Variants in CACNA1C observed in about 807,000 individuals in gnomAD.
CACNA1C encodes the protein calcium voltage-gated channel subunit alpha1 C.
CACNA1C carries 30 observed loss-of-function variants against 229.0 expected under a neutral mutation model. The observed-to-expected ratio is 0.13, with a 90% CI of 0.10 to 0.18. The LOEUF is 0.18. Among genes scored for constraint, CACNA1C ranks in the 10% least tolerant of loss-of-function variants. CACNA1C has a pLI of 1.00. For missense variants in CACNA1C, 1,658 were observed against 2,845.0 expected (o/e 0.58, Z 9.49); for synonymous variants, 1,114 against 1,132.5 (o/e 0.98, Z 0.33).
At chr12:2,281,245 C>T (rs1591571778) in intron 3 of CACNA1C, among the ~76,000 whole-genome samples, 1 of 152,186 alleles carries the variant, frequency 6.6e-6, no homozygotes, top group East Asian at 1.9e-4. Flanking sequence ...GCCGTTGCTG[C>T]CATACATGCT....
chr12:2,275,977 C>A lies in CACNA1C; in HGVS notation c.477+155547C>A, dbSNP rs999863255. Among the ~76,000 whole-genome samples, 4 of 152,138 alleles carry A rather than the reference C, an allele frequency of 2.6e-5. No individual in the cohort carries two copies. The highest frequency in any genetic ancestry group is 1.3e-4 in the Admixed American group (2 of 15,276). The stretch of plus-strand genomic sequence containing the variant: ...CTCTCAGATACAAAACCCAAGGATG[C>A]CCATGTCCTTTTATGTATGTAGATT... On this transcript the variant is annotated intron_variant, in intron 3 of 46. Coordinates refer to ENST00000399655, the MANE Select transcript of CACNA1C (RefSeq NM_000719.7). The surrounding 1 kb of genome is among the most constrained non-coding windows in gnomAD (Gnocchi z 4.1).
intron 18 of CACNA1C, among the ~76,000 whole-genome samples, chr12:2,590,374 A>T (rs2064688068): frequency 6.6e-6 from 1 of 152,198 alleles, no homozygotes; most frequent in Non-Finnish European, 1.5e-5. Context: ...CTCCAAGAAC[A>T]AAAATTAGAA....
At chr12:2,433,365 A>G (rs1345806559) in intron 3 of CACNA1C, among the ~76,000 whole-genome samples, 1 of 152,190 alleles carries the variant, frequency 6.6e-6, no homozygotes, top group Non-Finnish European at 1.5e-5. Context: ...GCCCAGGTGC[A>G]GGAGAGAGGA....
At position 2,608,658 on chromosome 12, in the gene CACNA1C, C is replaced by A. The variant is rs1356372706; in HGVS notation, c.3504C>A (p.Thr1168=). Residue 1168 remains threonine, a synonymous_variant, in exon 27 of 47, where the codon ACC becomes ACA. Transcript: ENST00000399655. This position sits in a 1 kb window ranked among gnomAD's most constrained non-coding sequence, Gnocchi z 4.2. ...TCTTCGTGGGCTTCGTCATCGTCAC[C>A]TTTCAGGAGCAGGGGGAGCAGGAGT... The part of the protein sequence containing the change: ...MNIFVGFVIV[T]FQEQGEQEYK... 6.2e-7 allele frequency: 1 copy of A among 1,614,214 alleles called. No individual in the cohort carries two copies. The highest frequency in any genetic ancestry group is 1.1e-5 in the South Asian group (1 of 91,080).
chr12:2,227,975 G>C (rs961937112), intron 3 of CACNA1C, among the ~76,000 whole-genome samples: 1 of 152,188 alleles, frequency 6.6e-6, no homozygotes, highest in African/African-American at 2.4e-5. Flanking sequence ...TCTTGATGCA[G>C]TCTCTTCCCA....
At chr12:2,405,494 A>G (rs2098726953) in intron 3 of CACNA1C, among the ~76,000 whole-genome samples, 1 of 152,194 alleles carries the variant, frequency 6.6e-6, no homozygotes, top group Non-Finnish European at 1.5e-5. Flanking sequence ...CAAGAATGTT[A>G]TATAAATGGC....
intron 10 of CACNA1C, chr12:2,550,602 G>A (rs1250701354): frequency 1.5e-6 from 2 of 1,351,480 alleles, no homozygotes; most frequent in East Asian, 4.5e-5. Flanking sequence ...TGTCACGACT[G>A]TAAACTCACC....
At position 2,067,296 on chromosome 12, in the gene CACNA1C, A is replaced by G. The variant is rs1196216673; in HGVS notation, c.49+13685A>G. ...CATCCCAGGTGGATTAGTCATCAGA[A>G]TAGCCAATGGGCCCCTTGAGCTCTG... On this transcript the variant is annotated intron_variant, in intron 1 of 46. Coordinates refer to ENST00000399655, the MANE Select transcript of CACNA1C (RefSeq NM_000719.7). The surrounding 1 kb of genome is among the most constrained non-coding windows in gnomAD (Gnocchi z 5.3). Among the ~76,000 whole-genome samples the G allele has an allele frequency of 3.3e-5, 5 of 152,266 alleles. No homozygotes were observed. The South Asian group carries it at 6.2e-4, about 19-fold the overall frequency.
At chr12:2,625,717 G>A (rs946816216) in intron 29 of CACNA1C, among the ~76,000 whole-genome samples, 2 of 151,532 alleles carry the variant, frequency 1.3e-5, no homozygotes, top group Admixed American at 6.6e-5. Flanking sequence ...TTAGGAGGCC[G>A]AGGCCAAAGG....
intron 3 of CACNA1C, among the ~76,000 whole-genome samples, chr12:2,149,701 G>A (rs1017675628): frequency 6.6e-6 from 1 of 152,168 alleles, no homozygotes; most frequent in Non-Finnish European, 1.5e-5. Context: ...TTCAGTTTTA[G>A]GCGGAAGGTG....
chr12:2,513,818 T>C (rs1045358409), intron 9 of CACNA1C, among the ~76,000 whole-genome samples: 1 of 152,120 alleles, frequency 6.6e-6, no homozygotes, highest in Non-Finnish European at 1.5e-5. Flanking sequence ...CCAGAAACTG[T>C]GGGAATGGGG....
chr12:2,022,463 CTTTTT>C (rs71057815), intron 1 of CACNA1C, among the ~76,000 whole-genome samples: 1 of 133,612 alleles, frequency 7.5e-6, no homozygotes. Context: ...CCCTAAGGAA[CTTTTT>C]TTTTTTTTTT....
In CACNA1C at chr12:2,053,843, C is replaced by G. The variant is rs1594461822; in HGVS notation, c.49+232C>G. Reference sequence around the variant, plus strand: ...CCGCCCCTCCCCCTCCGGGCCCCAGCTTCTCCAGAGCATGTGTTTCCTGTG... The same window carrying G: ...CCGCCCCTCCCCCTCCGGGCCCCAGGTTCTCCAGAGCATGTGTTTCCTGTG... On this transcript the variant is annotated intron_variant, in intron 1 of 46. Transcript: ENST00000399655. This position sits in a 1 kb window ranked among gnomAD's most constrained non-coding sequence, Gnocchi z 5.8. Among the ~76,000 whole-genome samples the G allele has an allele frequency of 6.7e-6, 1 of 150,196 alleles. No individual in the cohort carries two copies. The highest frequency in any genetic ancestry group is 2.1e-4 in the South Asian group (1 of 4,810).
Position 2,645,753 on chromosome 12 carries a change from T to C in CACNA1C, c.3913-2722T>C, listed in dbSNP as rs560173887. ...ATTTCATCGCGAGTGGTTATTCATTTATGAGACCACGGACCTTGTAAACAG... is the reference window on the plus strand; with the variant it reads ...ATTTCATCGCGAGTGGTTATTCATTCATGAGACCACGGACCTTGTAAACAG... On this transcript the variant is annotated intron_variant, in intron 30 of 46. Transcript: ENST00000399655. 1.4e-4 allele frequency among the ~76,000 whole-genome samples: 22 copies of C among 152,328 alleles called. No individual in the cohort carries two copies. In the South Asian group the frequency reaches 3.7e-3, roughly 26 times the overall value.
intron 3 of CACNA1C, among the ~76,000 whole-genome samples, chr12:2,387,392 G>A (rs1417459348): frequency 1.3e-5 from 2 of 152,144 alleles, no homozygotes; most frequent in African/African-American, 4.8e-5. Context: ...GGCTGACACA[G>A]GAGAATCGCT....
rs149066085 is a variant in CACNA1C, at chr12:2,025,319, C to A, written c.139+54118C>A. 5.3e-5 allele frequency among the ~76,000 whole-genome samples: 8 copies of A among 152,304 alleles called. No individual in the cohort carries two copies. The South Asian group carries it at 8.3e-4, about 16-fold the overall frequency. On this transcript the variant is annotated intron_variant, in intron 1 of 46. Transcript: ENST00000682462. ...CTGATTCCAAGCGGTGGTGTCTCAG[C>A]ACAGCTGGGGCAGTGCTGTCTGCCC...
chr12:2,388,990 G>A (rs1179102287), intron 3 of CACNA1C, among the ~76,000 whole-genome samples: 2 of 152,214 alleles, frequency 1.3e-5, no homozygotes, highest in African/African-American at 4.8e-5. Flanking sequence ...GAAACTATAG[G>A]AGCAAGGGTC....
chr12:2,258,607 T>C (rs1183484990), intron 3 of CACNA1C, among the ~76,000 whole-genome samples: 1 of 152,214 alleles, frequency 6.6e-6, no homozygotes, highest in East Asian at 1.9e-4. Flanking sequence ...GTGGGGTAAC[T>C]GGGACTGGGT....
At chr12:2,267,980 GT>G (rs1302925492) in intron 3 of CACNA1C, among the ~76,000 whole-genome samples, 3 of 152,250 alleles carry the variant, frequency 2.0e-5, no homozygotes, top group East Asian at 3.9e-4. Context: ...TAAAAAACAG[GT>G]TTTTTTGTGT....
Sources: gnomAD v4.1 joint callset for allele counts (sites outside exome capture counted in the v4.1 genomes callset) on GRCh38, gnomAD v4.1.1 for gene constraint, Gnocchi (gnomAD v3.1) non-coding constraint, MANE v1.5 for transcripts, NCBI Gene and HGNC (gene_info 2026-07-23, HGNC 2026-07-21) for gene names.